TRMT1L: variants seen among roughly 807,000 people sequenced by gnomAD.
TRMT1L encodes the protein tRNA (guanine(27)-N(2))-dimethyltransferase.
TRMT1L carries 28 observed loss-of-function variants against 81.6 expected under a neutral mutation model. The observed-to-expected ratio is 0.34, with a 90% CI of 0.25 to 0.47. The LOEUF is 0.47. TRMT1L is among the 20% of genes least tolerant of loss of function. The pLI is 1.00. For synonymous variants in TRMT1L, 301 were observed against 303.2 expected, an observed-to-expected ratio of 0.99 and a Z score of 0.07; for missense variants, 739 against 877.1, an observed-to-expected ratio of 0.84 and a Z score of 1.99.
chr1:185,144,163 T>C, intron 5 of TRMT1L, 134 bp from the exon 6 acceptor site: 1 of 1,006,348 alleles, frequency 9.9e-7, no homozygotes, highest in Non-Finnish European at 1.4e-6. Context: ...TTTATATTAT[T>C]TTGTGTTAAT....
chr1:185,153,450 G>C (rs901896247), intron 1 of TRMT1L, among the ~76,000 whole-genome samples: 1 of 152,150 alleles, frequency 6.6e-6, no homozygotes, highest in East Asian at 1.9e-4. Flanking sequence ...AGCCAAGGGA[G>C]AAGAGTCTAT....
At position 185,152,024 on chromosome 1, in the gene TRMT1L, T is replaced by C. The variant is rs1192741375; in HGVS notation, c.236-89A>G. ...TCACATCGTATAGAAGTTTATTTCCTATAACACAGTGTTATGGACCTAGAT... is the reference window on the plus strand; with the variant it reads ...TCACATCGTATAGAAGTTTATTTCCCATAACACAGTGTTATGGACCTAGAT... On this transcript the variant is annotated intron_variant, in intron 1 of 14. Coordinates refer to ENST00000367506, the MANE Select transcript of TRMT1L (RefSeq NM_030934.5). The C allele has an allele frequency of 5.5e-6, 4 of 721,106 alleles. 1 individual carries two copies. The highest frequency in any genetic ancestry group is 7.1e-5 in the Admixed American group (2 of 28,016). 44.7% of individuals were successfully genotyped at this position (721,106 alleles called of 1,614,324 possible).
At chr1:185,152,548 T>C (rs933958598) in intron 1 of TRMT1L, among the ~76,000 whole-genome samples, 3 of 152,122 alleles carry the variant, frequency 2.0e-5, no homozygotes, top group Non-Finnish European at 2.9e-5. Context: ...TCTCTGCAGG[T>C]TTTTGAGGAA....
At chr1:185,135,888 T>C (rs1571348319) in intron 10 of TRMT1L, among the ~76,000 whole-genome samples, 1 of 151,756 alleles carries the variant, frequency 6.6e-6, no homozygotes, top group Non-Finnish European at 1.5e-5. Flanking sequence ...AACCTGACAA[T>C]AGTTTATTCT....
chr1:185,155,482 A>G (rs557542688), intron 1 of TRMT1L, among the ~76,000 whole-genome samples: 15 of 152,352 alleles, frequency 9.8e-5, no homozygotes, highest in African/African-American at 1.7e-4. Context: ...TCTGAAATCT[A>G]TAACAATTTG....
chr1:185,156,557 A>C lies in TRMT1L; in HGVS notation c.156T>G (p.Ala52=). Residue 52 remains alanine (A), a synonymous_variant, in exon 1 of 15, where the codon GCT becomes GCG. Transcript: ENST00000367506. ...ALDSAPTPAS[A]PAPAPALAQA... is the part of the protein sequence containing the mutation. The stretch of plus-strand genomic sequence containing the variant: ...GGGCCAGGGCAGGGGCTGGGGCTGG[A>C]GCCGAGGCCGGAGTCGGAGCCGAGT... 6.2e-7 allele frequency: 1 copy of C among 1,603,506 alleles called. No homozygotes were observed. The highest frequency in any genetic ancestry group is 8.5e-7 in the Non-Finnish European group (1 of 1,175,402).
At chr1:185,154,388 G>A (rs1653439190) in intron 1 of TRMT1L, among the ~76,000 whole-genome samples, 2 of 152,074 alleles carry the variant, frequency 1.3e-5, no homozygotes, top group South Asian at 2.1e-4. Flanking sequence ...AACAATATTG[G>A]TTAATTTCCT....
chr1:185,145,007 G>A (rs1653152565), intron 5 of TRMT1L, among the ~76,000 whole-genome samples: 1 of 151,802 alleles, frequency 6.6e-6, no homozygotes, highest in Admixed American at 6.6e-5. Context: ...TAGGCCATTA[G>A]TGCTTGATTT....
chr1:185,145,684 A>C, intron 4 of TRMT1L, 116 bp from the exon 5 acceptor site: 1 of 995,040 alleles, frequency 1.0e-6, no homozygotes, highest in South Asian at 2.0e-5. Context: ...GATAATTTTA[A>C]TTTTGCCATG....
intron 3 of TRMT1L, among the ~76,000 whole-genome samples, chr1:185,150,161 T>C (rs998573982): frequency 1.2e-4 from 18 of 152,190 alleles, no homozygotes; most frequent in Admixed American, 6.5e-5. Context: ...ATACAACAGA[T>C]GCATAATAAA....
intron 8 of TRMT1L, 57 bp downstream of exon 8, chr1:185,139,916 C>G: frequency 6.5e-7 from 1 of 1,536,414 alleles, no homozygotes; most frequent in Non-Finnish European, 8.7e-7. Context: ...AACTACTCCT[C>G]GTCCCCAAAA....
chr1:185,153,180 C>A (rs955610757), intron 1 of TRMT1L, among the ~76,000 whole-genome samples: 1 of 152,158 alleles, frequency 6.6e-6, no homozygotes, highest in Non-Finnish European at 1.5e-5. Flanking sequence ...TCAGGTTTCT[C>A]AAGCATTACA....
At position 185,119,388 on chromosome 1, in the gene TRMT1L, T is replaced by A. The variant is rs1215419213; in HGVS notation, c.*631A>T. 1 of 152,220 alleles carries A rather than the reference T, an allele frequency of 6.6e-6. No homozygotes were observed. The highest frequency in any genetic ancestry group is 1.5e-5 in the Non-Finnish European group (1 of 68,032). The allele number at this position is 152,220 out of a possible 1,614,324, so 9.4% of individuals were successfully genotyped here. ...TTCTGACAAAATCTTACTTTGAAGT[T>A]TAGTCATTTAGACCTTAAAGTTACA... On this transcript the variant is annotated 3_prime_UTR_variant, in exon 15 of 15. Transcript: ENST00000367506.
chr1:185,155,300 G>C (rs1475338683), intron 1 of TRMT1L, among the ~76,000 whole-genome samples: 1 of 152,168 alleles, frequency 6.6e-6, no homozygotes, highest in East Asian at 1.9e-4. Context: ...TGAGGTAGGA[G>C]GCTACTTAGG....
chr1:185,132,678 CAG>C (rs1652803987), intron 10 of TRMT1L, among the ~76,000 whole-genome samples: 2 of 149,024 alleles, frequency 1.3e-5, no homozygotes, highest in Non-Finnish European at 3.0e-5. Context: ...TAAGAGCATT[CAG>C]AGAGAAAATA....
chr1:185,156,573 GGAGCCGAGTCCA>G lies in TRMT1L; in HGVS notation c.128_139del (p.Leu43_Ala46del). ...TGGGGCTGGAGCCGAGGCCGGAGTCGGAGCCGAGTCCAGAGCCGAATCCGGGGCCGGAGCTGG... is the reference window on the plus strand; with the variant it reads ...TGGGGCTGGAGCCGAGGCCGGAGTCGGAGCCGAATCCGGGGCCGGAGCTGG... On this transcript the variant is annotated inframe_deletion, in exon 1 of 15. Coordinates refer to ENST00000367506, the MANE Select transcript of TRMT1L (RefSeq NM_030934.5). 1.9e-6 allele frequency: 3 copies of G among 1,598,904 alleles called. No individual in the cohort carries two copies. The highest frequency in any genetic ancestry group is 1.7e-4 in the Middle Eastern group (1 of 5,948).
intron 1 of TRMT1L, 45 bp from the exon 2 acceptor site, chr1:185,151,980 C>G: frequency 8.0e-7 from 1 of 1,243,786 alleles, no homozygotes; most frequent in Non-Finnish European, 1.1e-6. Context: ...AGTTTGTATT[C>G]TAGTTCCATT....
At chr1:185,126,771 C>T (rs543934804) in intron 11 of TRMT1L, among the ~76,000 whole-genome samples, 239 of 152,132 alleles carry the variant, frequency 1.6e-3, no homozygotes, top group African/African-American at 5.6e-3. Context: ...TTCGGGAGGC[C>T]GAGGTGGGTG....
rs146642720 is a variant in TRMT1L, at chr1:185,119,436, G to A, written c.*583C>T. ...ACAAAAATAAAGTATTTCTATCTCAGGCAAGTATTTAATTTCTTAAAAGCT... is the reference window on the plus strand; with the variant it reads ...ACAAAAATAAAGTATTTCTATCTCAAGCAAGTATTTAATTTCTTAAAAGCT... On this transcript the variant is annotated 3_prime_UTR_variant, in exon 15 of 15. Transcript: ENST00000367506. 6.6e-6 allele frequency: 1 copy of A among 152,176 alleles called. No individual in the cohort carries two copies. The highest frequency in any genetic ancestry group is 2.4e-5 in the African/African-American group (1 of 41,528). 9.4% of individuals were successfully genotyped at this position (152,176 alleles called of 1,614,324 possible). A position where few individuals can be genotyped will look rare whatever the true frequency, so the allele number is the denominator to read the frequency against.
Sources: allele counts gnomAD v4.1 joint callset (sites outside exome capture counted in the v4.1 genomes callset), GRCh38; gene constraint gnomAD v4.1.1; transcripts MANE v1.5; gene names NCBI Gene and HGNC (gene_info 2026-07-23, HGNC 2026-07-21).